Variants in PLEC observed in about 807,000 individuals in gnomAD.
PLEC encodes hemidesmosomal protein 1.
Under a neutral mutation model 392.8 loss-of-function variants are expected in PLEC, and 216 were observed. The observed-to-expected ratio is 0.55, with a 90% CI of 0.49 to 0.62. PLEC has a LOEUF of 0.62. PLEC is among the 20% of genes least tolerant of loss of function. The pLI is 0.00. For synonymous variants in PLEC, 3,621 were observed against 2,980.6 expected (o/e 1.21, Z -7.00); for missense variants, 6,863 against 6,563.4 (o/e 1.05, Z -1.58).
At chr8:143,944,555 G>A (rs1001030495), upstream of PLEC, 12 of 701,094 alleles carry the variant, frequency 1.7e-5, no homozygotes, top group African/African-American at 1.7e-4. Flanking sequence ...GAGGGACAGC[G>A]CCCCTGGCCT....
At chr8:143,972,961 C>T (rs1833505158) in intron 1 of PLEC, among the ~76,000 whole-genome samples, 1 of 152,214 alleles carries the variant, frequency 6.6e-6, no homozygotes, top group African/African-American at 2.4e-5. Flanking sequence ...CCCAGGCCCT[C>T]GCCAGTTTAG....
chr8:143,919,992 C>G lies in PLEC; in HGVS notation c.9829G>C (p.Gly3277Arg), dbSNP rs1258900653. Residue 3277 changes from glycine to arginine, a missense_variant, in exon 32 of 32, where the codon GGC becomes CGC. By Grantham distance (125) the Gly-to-Arg change is moderately radical (BLOSUM62 -2). Coordinates refer to ENST00000345136, the MANE Select transcript of PLEC (RefSeq NM_201384.3). ...ATGACCTTCTCCACGGTGACCTTGC[C>G]CGTGCGGAACTGACGCAACAGCTCC... Reference protein sequence around the residue: ...RQELLRQFRTGKVTVEKVIKI... With the variant: ...RQELLRQFRTRKVTVEKVIKI... The G allele has an allele frequency of 6.2e-7, 1 of 1,613,196 alleles. No individual in the cohort carries two copies. Among genetic ancestry groups the G allele is most frequent in the African/African-American group, 1.3e-5 (1 of 74,922 alleles).
rs781806553 is a variant in PLEC at position 143,921,481 on chromosome 8, G to A, written c.8340C>T (p.Pro2780=). 5 of 1,613,148 alleles carry A rather than the reference G, an allele frequency of 3.1e-6. No homozygotes were observed. Among genetic ancestry groups the A allele is most frequent in the Admixed American group, 3.3e-5 (2 of 60,020 alleles). The change falls in exon 32 of 32, where the codon CCC becomes CCT. Residue 2780 remains proline, a synonymous_variant. Coordinates refer to ENST00000345136, the MANE Select transcript of PLEC (RefSeq NM_201384.3). ...AGAGAGAGATCTGCTGGCCAGTGTAGGGGTCCTTGTAGCCAGTGACGGCGC... is the reference window on the plus strand; with the variant it reads ...AGAGAGAGATCTGCTGGCCAGTGTAAGGGTCCTTGTAGCCAGTGACGGCGC... ...AERAVTGYKD[P]YTGQQISLFQ...
In PLEC at chr8:143,934,135, G is replaced by T. The variant is rs782486879; in HGVS notation, c.1170-44C>A. Reference sequence around the variant, plus strand: ...GAAGGGGCCGCGTTGGCCGGGTCCGGCACAGCCCTGGCCACAGACTGCAGC... The same window carrying T: ...GAAGGGGCCGCGTTGGCCGGGTCCGTCACAGCCCTGGCCACAGACTGCAGC... On this transcript the variant is annotated intron_variant, in intron 11 of 31. Transcript: ENST00000345136. The T allele has an allele frequency of 8.8e-6, 14 of 1,597,176 alleles. No homozygotes were observed. The African/African-American group carries it at 1.5e-4, about 17-fold the overall frequency.
At chr8:143,962,133 T>C (rs1554741052) in intron 1 of PLEC, among the ~76,000 whole-genome samples, 1 of 152,232 alleles carries the variant, frequency 6.6e-6, no homozygotes, top group Non-Finnish European at 1.5e-5. Flanking sequence ...GCCTTATTTG[T>C]AAACAGGGTC....
upstream of PLEC, chr8:143,939,633 C>A (rs960980029): frequency 1.1e-5 from 16 of 1,426,796 alleles, no homozygotes; most frequent in Non-Finnish European, 1.4e-5. Flanking sequence ...CTGTACTCCC[C>A]GGCGAGGCCG....
Position 143,919,006 on chromosome 8 carries a change from C to T in PLEC, c.10815G>A (p.Met3605Ile), listed in dbSNP as rs1554676882. 7.4e-6 allele frequency: 12 copies of T among 1,611,442 alleles called. No individual in the cohort carries two copies. Among genetic ancestry groups the T allele is most frequent in the Non-Finnish European group, 5.9e-6 (7 of 1,180,018 alleles). ...LIPEEQRAQL[M>I]ADFQAGRVTK... ...TCACCCGGCCGGCCTGGAAGTCAGC[C>T]ATCAGCTGGGCCCGCTGCTCCTCGG... The change falls in exon 32 of 32, where the codon ATG becomes ATA. Residue 3605 changes from methionine (M) to isoleucine (I), a missense_variant. Transcript: ENST00000345136.
Position 143,934,230 on chromosome 8 carries a change from G to A in PLEC, c.1169+88C>T, listed in dbSNP as rs535950885. The A allele has an allele frequency of 2.1e-5, 33 of 1,599,834 alleles. No homozygotes were observed. In the Middle Eastern group the frequency reaches 6.9e-4, roughly 33 times the overall value. On this transcript the variant is annotated intron_variant, in intron 11 of 31. Transcript: ENST00000345136. ...GGCGAGTGGGAGCTTGGGTTCCCCC[G>A]CCGGGGGCGGGGCGGGGAGGGGGGT...
rs1479043698 is a variant in PLEC at position 143,932,579 on chromosome 8, C to T, written c.1816-18G>A. 3 of 1,612,180 alleles carry T rather than the reference C, an allele frequency of 1.9e-6. No individual in the cohort carries two copies. Among genetic ancestry groups the T allele is most frequent in the African/African-American group, 1.3e-5 (1 of 74,904 alleles). On this transcript the variant is annotated intron_variant, in intron 15 of 31. Coordinates refer to ENST00000345136, the MANE Select transcript of PLEC (RefSeq NM_201384.3). ...GAGGAGTTCTGTGGGCAGGAGGGTG[C>T]GTGTCAGCAGGCCGCGGGCTACCCA...
intron 7 of PLEC, 31 bp downstream of exon 7, chr8:143,935,167 A>G (rs1818637041): frequency 3.1e-6 from 5 of 1,611,192 alleles, no homozygotes; most frequent in Non-Finnish European, 3.4e-6. Flanking sequence ...CAGCAGGGGA[A>G]GGGACAGGGA....
intron 1 of PLEC, among the ~76,000 whole-genome samples, chr8:143,949,336 G>A (rs1004117172): frequency 6.6e-6 from 1 of 152,236 alleles, no homozygotes; most frequent in African/African-American, 2.4e-5. Flanking sequence ...GCCATCCGGA[G>A]CCAGCACGGA....
At chr8:143,929,058 C>G in intron 25 of PLEC, 45 bp downstream of exon 25, 1 of 1,525,480 alleles carries the variant, frequency 6.6e-7, no homozygotes, top group South Asian at 1.2e-5. Flanking sequence ...ACCCCAGCAC[C>G]CCCCAGCCGA....
In PLEC at chr8:143,929,786, C is replaced by T. The variant is rs374453154; in HGVS notation, c.2783G>A (p.Ser928Asn). The change falls in exon 23 of 32, where the codon AGC becomes AAC. Residue 928 changes from serine (S) to asparagine (N), a missense_variant. Physicochemically the swap from Ser to Asn is conservative, Grantham distance 46. Transcript: ENST00000345136. ...KPEEQRQALH[S>N]LELHYQAFLR... Reference sequence around the variant, plus strand: ...GAAGGCCTGGTAGTGCAGCTCCAGGCTGTGCAGGGCTTGGCGCTGCTCCTC... The same window carrying T: ...GAAGGCCTGGTAGTGCAGCTCCAGGTTGTGCAGGGCTTGGCGCTGCTCCTC... The T allele has an allele frequency of 1.9e-6, 3 of 1,599,660 alleles. No homozygotes were observed. The Admixed American group carries it at 5.0e-5, about 27-fold the overall frequency.
chr8:143,942,432 C>T (rs781969113), upstream of PLEC: 2 of 1,604,522 alleles, frequency 1.2e-6, no homozygotes, highest in Non-Finnish European at 8.5e-7. Context: ...CCCTGCGGGC[C>T]GGCTCGCAGC....
chr8:143,930,665 A>T, intron 19 of PLEC, 129 bp from the exon 20 acceptor site: 1 of 976,384 alleles, frequency 1.0e-6, no homozygotes, highest in East Asian at 2.6e-5. Context: ...ACTTGGAAGC[A>T]GGAGGTATAG....
chr8:143,916,191 A>C lies in PLEC; in HGVS notation c.13630T>G (p.Ser4544Ala), dbSNP rs1554668165. 3 of 1,541,576 alleles carry C rather than the reference A, an allele frequency of 1.9e-6. No homozygotes were observed. The highest frequency in any genetic ancestry group is 1.2e-5 in the South Asian group (1 of 83,880). ...GSSASLGGPESAVA is the reference protein window; with the variant it reads ...GSSASLGGPEAAVA The stretch of plus-strand genomic sequence containing the variant: ...CGCAGGCAGCCTCAGGCCACGGCAG[A>C]CTCAGGGCCCCCCAGGGAGGCCGAG... Residue 4544 changes from serine (S) to alanine (A), a missense_variant, in exon 32 of 32, where the codon TCT becomes GCT. By Grantham distance (99) the Ser-to-Ala change is moderately conservative (BLOSUM62 1). Coordinates refer to ENST00000345136, the MANE Select transcript of PLEC (RefSeq NM_201384.3).
At chr8:143,951,476 G>C (rs987102445), upstream of PLEC, among the ~76,000 whole-genome samples, 2 of 152,106 alleles carry the variant, frequency 1.3e-5, no homozygotes, top group Non-Finnish European at 2.9e-5. Flanking sequence ...CAAACGGACA[G>C]AGCCCCCACC....
chr8:143,925,229 A>G lies in PLEC; in HGVS notation c.4700T>C (p.Leu1567Pro). 1 of 1,587,594 alleles carries G rather than the reference A, an allele frequency of 6.3e-7. No homozygotes were observed. The highest frequency in any genetic ancestry group is 8.5e-7 in the Non-Finnish European group (1 of 1,175,374). ...CTCTGCACTGCGCTGCGCCGTCTCCAGGGCCACCTGTACCTGCCGCGCTCG... is the reference window on the plus strand; with the variant it reads ...CTCTGCACTGCGCTGCGCCGTCTCCGGGGCCACCTGTACCTGCCGCGCTCG... ...VERARQVQVA[L>P]ETAQRSAEAE... Residue 1567 changes from leucine to proline, a missense_variant, in exon 31 of 32, where the codon CTG becomes CCG. Physicochemically the swap from Leu to Pro is moderately conservative, Grantham distance 98. Transcript: ENST00000345136.
intron 5 of PLEC, among the ~76,000 whole-genome samples, chr8:143,936,771 C>A (rs1455174319): frequency 6.6e-6 from 1 of 152,198 alleles, no homozygotes; most frequent in African/African-American, 2.4e-5. Flanking sequence ...GGATAGGTGG[C>A]CTCAGAGAGA....
Sources: allele counts gnomAD v4.1 joint callset (sites outside exome capture counted in the v4.1 genomes callset), GRCh38; gene constraint gnomAD v4.1.1; transcripts MANE v1.5; gene names NCBI Gene and HGNC (gene_info 2026-07-23, HGNC 2026-07-21).